Variants in CSMD1 observed in about 807,000 individuals in gnomAD.
The protein encoded by CSMD1 is CUB and sushi domain-containing protein 1.
In CSMD1, 213 loss-of-function variants were observed where a neutral mutation model predicts 417.5. The ratio of observed to expected loss-of-function variants is 0.51; its 90% CI spans 0.46 to 0.57. CSMD1 has a LOEUF of 0.57. Among genes scored for constraint, CSMD1 ranks in the 20% least tolerant of loss-of-function variants. The pLI is 0.00. For missense variants in CSMD1, 6,923 were observed against 4,529.7 expected (o/e 1.53, Z -15.17); for synonymous variants, 2,862 against 1,736.8 (o/e 1.65, Z -16.11).
At chr8:3,719,518 T>C (rs1333459784) in intron 6 of CSMD1, among the ~76,000 whole-genome samples, 2 of 152,228 alleles carry the variant, frequency 1.3e-5, no homozygotes, top group East Asian at 1.9e-4. Flanking sequence ...TTCATTACAA[T>C]GAAGACTTTG....
At chr8:4,182,057 T>G (rs1038038691) in intron 3 of CSMD1, among the ~76,000 whole-genome samples, 1 of 151,896 alleles carries the variant, frequency 6.6e-6, no homozygotes, top group East Asian at 1.9e-4. Context: ...TGTGTGTGTG[T>G]GTGTATACCT....
At chr8:4,578,323 A>G (rs2617024) in intron 2 of CSMD1, among the ~76,000 whole-genome samples, 21,285 of 103,718 alleles carry the variant, frequency 0.21, 1,794 homozygotes, top group Middle Eastern at 0.36. Flanking sequence ...CTGCCACGAC[A>G]CCCGGCTCAT....
chr8:4,120,049 CAG>C (rs1025941539), intron 3 of CSMD1, among the ~76,000 whole-genome samples: 6 of 152,100 alleles, frequency 3.9e-5, no homozygotes, highest in Non-Finnish European at 8.8e-5. Flanking sequence ...TTAAAAATAA[CAG>C]AGTATAATTG....
At chr8:4,439,303 T>C (rs1380760279) in intron 2 of CSMD1, among the ~76,000 whole-genome samples, 2 of 152,182 alleles carry the variant, frequency 1.3e-5, no homozygotes, top group Non-Finnish European at 2.9e-5. Flanking sequence ...GCTGCCAAAA[T>C]TACCTTGGTA....
intron 57 of CSMD1, among the ~76,000 whole-genome samples, chr8:2,967,960 G>A (rs1249270728): frequency 6.6e-6 from 1 of 152,144 alleles, no homozygotes; most frequent in Non-Finnish European, 1.5e-5. Context: ...GCCAATGGCA[G>A]ACAGAAGTAC....
intron 2 of CSMD1, among the ~76,000 whole-genome samples, chr8:4,609,477 G>T (rs1342995569): frequency 6.6e-6 from 1 of 152,124 alleles, no homozygotes; most frequent in African/African-American, 2.4e-5. Context: ...TTAATTAATT[G>T]ATTAATATAT....
At position 3,754,019 on chromosome 8, in the gene CSMD1, G is replaced by T. The variant is rs980351309; in HGVS notation, c.842C>A (p.Ser281Tyr). The T allele has an allele frequency of 6.2e-7, 1 of 1,612,954 alleles. No homozygotes were observed. The highest frequency in any genetic ancestry group is 8.5e-7 in the Non-Finnish European group (1 of 1,179,254). ...SIWLTGMNLP[S>Y]PVISSKNWLR... ...CCAATTCTTGCTACTGATAACTGGA[G>T]AGGGGAGGTTCATGCCAGTTAGCCT... Residue 281 changes from serine (S) to tyrosine (Y), a missense_variant, in exon 6 of 70, where the codon TCT (serine) becomes TAT (tyrosine). Ser to Tyr is a moderately radical substitution (Grantham distance 144). Coordinates refer to ENST00000635120, the MANE Select transcript of CSMD1 (RefSeq NM_033225.6).
chr8:4,050,223 G>C (rs957454378), intron 3 of CSMD1, among the ~76,000 whole-genome samples: 5 of 152,002 alleles, frequency 3.3e-5, no homozygotes, highest in Non-Finnish European at 5.9e-5. Context: ...GTGTTTGTCA[G>C]TTTCTCCACT....
intron 3 of CSMD1, among the ~76,000 whole-genome samples, chr8:4,033,027 A>C (rs1797430702): frequency 6.6e-6 from 1 of 152,056 alleles, no homozygotes; most frequent in South Asian, 2.1e-4. Context: ...ATGCATGATA[A>C]AAACATTGGT....
At chr8:4,055,853 G>A in intron 3 of CSMD1, among the ~76,000 whole-genome samples, 1 of 152,024 alleles carries the variant, frequency 6.6e-6, no homozygotes. Context: ...TTTTTACTAT[G>A]CCAGCTTATT....
chr8:4,107,433 T>A (rs748928235), intron 3 of CSMD1, among the ~76,000 whole-genome samples: 1 of 152,188 alleles, frequency 6.6e-6, no homozygotes, highest in Admixed American at 6.5e-5. Flanking sequence ...ACACATCACA[T>A]TGGTACGGAT....
chr8:3,900,439 C>T (rs1317614440), intron 5 of CSMD1, among the ~76,000 whole-genome samples: 1 of 151,380 alleles, frequency 6.6e-6, no homozygotes, highest in Non-Finnish European at 1.5e-5. Context: ...AGCTGGGTGA[C>T]AGCACAGCTG....
At chr8:4,971,662 A>G (rs1810247274) in intron 1 of CSMD1, among the ~76,000 whole-genome samples, 1 of 147,566 alleles carries the variant, frequency 6.8e-6, no homozygotes. Flanking sequence ...ACTTCCTTGC[A>G]CACATATGAC....
chr8:2,946,712 G>A (rs1802264668), intron 68 of CSMD1, among the ~76,000 whole-genome samples: 1 of 152,156 alleles, frequency 6.6e-6, no homozygotes, highest in African/African-American at 2.4e-5. Flanking sequence ...TCATGTACAA[G>A]TTTTGTGTGA....
At chr8:4,327,905 C>G (rs1227323909) in intron 3 of CSMD1, among the ~76,000 whole-genome samples, 1 of 152,128 alleles carries the variant, frequency 6.6e-6, no homozygotes, top group African/African-American at 2.4e-5. Context: ...TTCCAGGTCC[C>G]TAATTTTCCT....
At chr8:4,746,084 G>C (rs148384338) in intron 1 of CSMD1, among the ~76,000 whole-genome samples, 3 of 152,212 alleles carry the variant, frequency 2.0e-5, no homozygotes, top group African/African-American at 7.2e-5. Context: ...CCTCACATCA[G>C]AAACCCCGTG....
In CSMD1 at chr8:4,633,123, G is replaced by A. The variant is rs1438074386; in HGVS notation, c.302+4219C>T. Among the ~76,000 whole-genome samples the A allele has an allele frequency of 4.6e-5, 7 of 152,280 alleles. 1 individual carries two copies. Among genetic ancestry groups the A allele is most frequent in the Admixed American group, 2.6e-4 (4 of 15,292 alleles). On this transcript the variant is annotated intron_variant, in intron 2 of 69. Transcript: ENST00000635120. ...GGGGAGCCTGGGGCAGGAAAGGATC[G>A]TGCATTGGTCTATGTGAACGCTCAG...
At chr8:3,645,517 G>C (rs543051308) in intron 7 of CSMD1, among the ~76,000 whole-genome samples, 7 of 152,332 alleles carry the variant, frequency 4.6e-5, no homozygotes, top group African/African-American at 1.2e-4. Flanking sequence ...AGGAAGGGGA[G>C]GATGTGTGGT....
At chr8:4,396,375 G>A (rs1170085150) in intron 3 of CSMD1, among the ~76,000 whole-genome samples, 1 of 152,044 alleles carries the variant, frequency 6.6e-6, no homozygotes, top group African/African-American at 2.4e-5. Flanking sequence ...GCTGAGGCAG[G>A]AGGATTGCTT....
Sources: gnomAD v4.1 joint callset for allele counts (sites outside exome capture counted in the v4.1 genomes callset) on GRCh38, gnomAD v4.1.1 for gene constraint, MANE v1.5 for transcripts, NCBI Gene and HGNC (gene_info 2026-07-23, HGNC 2026-07-21) for gene names.